TRPM6: variants seen among roughly 807,000 people sequenced by gnomAD.
TRPM6 encodes transient receptor potential cation channel subfamily M member 6.
A neutral mutation model predicts 247.6 loss-of-function variants in TRPM6; 111 were observed. The ratio of observed to expected loss-of-function variants is 0.45; its 90% CI spans 0.38 to 0.52. The LOEUF is 0.52. Among genes scored for constraint, TRPM6 ranks in the 20% least tolerant of loss-of-function variants. The pLI is 0.00. For missense variants in TRPM6, 2,126 were observed against 2,421.5 expected (o/e 0.88, Z 2.56); for synonymous variants, 892 against 853.8 (o/e 1.04, Z -0.78).
At chr9:74,847,881 C>T (rs1830161878) in intron 3 of TRPM6, among the ~76,000 whole-genome samples, 10 of 152,132 alleles carry the variant, frequency 6.6e-5, no homozygotes, top group Admixed American at 6.6e-4. Flanking sequence ...AGCAGTAGTT[C>T]TCCCTTACCT....
At chr9:74,873,655 A>G (rs924624816) in intron 1 of TRPM6, among the ~76,000 whole-genome samples, 1 of 152,180 alleles carries the variant, frequency 6.6e-6, no homozygotes, top group African/African-American at 2.4e-5. Context: ...ATCAATTAAG[A>G]ATATCCCCTC....
intron 30 of TRPM6, among the ~76,000 whole-genome samples, chr9:74,749,704 G>A (rs751902065): frequency 6.6e-6 from 1 of 152,160 alleles, no homozygotes; most frequent in Non-Finnish European, 1.5e-5. Context: ...AGGTCCTTAA[G>A]AAAGAAAGTA....
chr9:74,827,693 G>C, intron 7 of TRPM6, 85 bp downstream of exon 7: 1 of 1,422,872 alleles, frequency 7.0e-7, no homozygotes, highest in Non-Finnish European at 9.9e-7. Flanking sequence ...GACTAGGAGA[G>C]TGAGCTCTGA....
At chr9:74,836,204 C>G (rs1829715770) in intron 5 of TRPM6, among the ~76,000 whole-genome samples, 1 of 152,162 alleles carries the variant, frequency 6.6e-6, no homozygotes, top group East Asian at 1.9e-4. Context: ...ATGTCATATA[C>G]TATAGTTGGA....
chr9:74,825,394 G>A (rs1829297198), intron 7 of TRPM6, among the ~76,000 whole-genome samples: 1 of 151,998 alleles, frequency 6.6e-6, no homozygotes, highest in African/African-American at 2.4e-5. Context: ...AGTATGTTAG[G>A]TATGAAGATC....
intron 28 of TRPM6, 30 bp downstream of exon 28, chr9:74,755,323 T>A: frequency 1.9e-6 from 3 of 1,613,394 alleles, no homozygotes; most frequent in Admixed American, 3.3e-5. Context: ...ACCAGGGTTT[T>A]TGGGATCCAA....
In TRPM6 at chr9:74,786,689, G is replaced by C. The variant is rs577460435; in HGVS notation, c.2668-564C>G. On this transcript the variant is annotated intron_variant, in intron 20 of 38. Transcript: ENST00000360774. Reference sequence around the variant, plus strand: ...CGGGAGGCGGAGCTTGCAGTGAGCTGAAATCGCACCACCGCACTCCAGCCT... The same window carrying C: ...CGGGAGGCGGAGCTTGCAGTGAGCTCAAATCGCACCACCGCACTCCAGCCT... Among the ~76,000 whole-genome samples the C allele has an allele frequency of 1.6e-4, 25 of 152,248 alleles. No homozygotes were observed. In the South Asian group the frequency reaches 5.2e-3, roughly 32 times the overall value.
At chr9:74,827,043 G>A (rs1437537408) in intron 7 of TRPM6, 1 of 151,992 alleles carries the variant, frequency 6.6e-6, no homozygotes, top group South Asian at 2.1e-4. Context: ...CAGCCCCAAG[G>A]TCCCTATTTC....
At position 74,774,830 on chromosome 9, in the gene TRPM6, G is replaced by A. The variant is rs115583436; in HGVS notation, c.3403+1053C>T. 7.9e-3 allele frequency among the ~76,000 whole-genome samples: 1,197 copies of A among 152,276 alleles called. 10 individuals carry two copies. Among genetic ancestry groups the A allele is most frequent in the African/African-American group, 0.028 (1,147 of 41,558 alleles). On this transcript the variant is annotated intron_variant, in intron 24 of 38. Transcript: ENST00000360774. ...ACATCAATGAATATTCATACTACAA[G>A]AAATAAAGAGAATAAATGGCTTCGC...
At chr9:74,800,951 G>T (rs562074264) in intron 16 of TRPM6, among the ~76,000 whole-genome samples, 1 of 142,664 alleles carries the variant, frequency 7.0e-6, no homozygotes, top group Non-Finnish European at 1.5e-5. Flanking sequence ...AACCCAACTA[G>T]CAAGTAAGGA....
intron 23 of TRPM6, among the ~76,000 whole-genome samples, chr9:74,777,437 T>C (rs1314383121): frequency 1.3e-5 from 2 of 152,182 alleles, no homozygotes; most frequent in African/African-American, 4.8e-5. Flanking sequence ...TATGCGAGGA[T>C]TTCTCAACTT....
chr9:74,865,073 C>CAAA (rs36103454), intron 1 of TRPM6, among the ~76,000 whole-genome samples: 1 of 123,114 alleles, frequency 8.1e-6, no homozygotes, highest in Non-Finnish European at 1.8e-5. Context: ...AATTCCCTCT[C>CAAA]AAAAAAAAAA....
At chr9:74,763,301 G>C (rs1005155700) in intron 25 of TRPM6, among the ~76,000 whole-genome samples, 167 bp from the exon 26 acceptor site, 1 of 152,062 alleles carries the variant, frequency 6.6e-6, no homozygotes, top group African/African-American at 2.4e-5. Context: ...TCTCAACTCA[G>C]GTGATCTCAT....
intron 27 of TRPM6, among the ~76,000 whole-genome samples, chr9:74,759,350 T>TTATTA (rs1826544796): frequency 6.6e-6 from 1 of 152,056 alleles, no homozygotes; most frequent in African/African-American, 2.4e-5. Flanking sequence ...GACTCAAAAT[T>TTATTA]TATTATAAAG....
At position 74,762,976 on chromosome 9, in the gene TRPM6, TG is replaced by T. The variant is rs1179034156; in HGVS notation, c.3694del (p.Gln1232LysfsTer31). The T allele has an allele frequency of 1.9e-6, 3 of 1,611,062 alleles. No individual in the cohort carries two copies. In the African/African-American group the frequency reaches 4.0e-5, roughly 22 times the overall value. The stretch of plus-strand genomic sequence containing the variant: ...CTTGGCCAGGAGAGCCTCATCCTCT[TG>T]CAAAGTGTCAACAGCAGAAAGGACT... ...LKVLSAVDTL[Q>X]EDEALLAKRK... On this transcript the variant is annotated frameshift_variant, in exon 26 of 39. Coordinates refer to ENST00000360774, the MANE Select transcript of TRPM6 (RefSeq NM_017662.5). LOFTEE classifies it high-confidence loss of function.
At chr9:74,808,303 G>T in intron 13 of TRPM6, 129 bp from the exon 14 acceptor site, 1 of 1,184,452 alleles carries the variant, frequency 8.4e-7, no homozygotes. Flanking sequence ...TTTACAAACT[G>T]ATTAATTTAA....
intron 17 of TRPM6, chr9:74,799,862 C>A: frequency 3.6e-6 from 1 of 276,988 alleles, no homozygotes. Flanking sequence ...GGGAAGACCC[C>A]AGATCTTCTG....
intron 2 of TRPM6, 58 bp from the exon 3 acceptor site, chr9:74,855,623 A>T: frequency 1.9e-6 from 2 of 1,047,854 alleles, no homozygotes; most frequent in Non-Finnish European, 3.0e-6. Flanking sequence ...AATACATTTA[A>T]TGCTTGTACA....
intron 14 of TRPM6, chr9:74,804,702 A>G (rs1828471810): frequency 6.1e-6 from 5 of 820,620 alleles, no homozygotes; most frequent in South Asian, 2.7e-5. Flanking sequence ...TCAGCCTGCC[A>G]TGGAAGACCG....
Sources: allele counts gnomAD v4.1 joint callset (sites outside exome capture counted in the v4.1 genomes callset), GRCh38; gene constraint gnomAD v4.1.1; transcripts MANE v1.5; gene names NCBI Gene and HGNC (gene_info 2026-07-23, HGNC 2026-07-21).